The following DGKB variants were observed in gnomAD, a reference collection of about 807,000 sequenced individuals.
DGKB encodes the protein diacylglycerol kinase beta, also known as 90 kDa diacylglycerol kinase.
In DGKB, 67 loss-of-function variants were observed where a neutral mutation model predicts 114.3. That is an observed-to-expected ratio of 0.59 (90% confidence interval 0.48 to 0.72). DGKB has a LOEUF of 0.72. Among genes scored for constraint, DGKB ranks in the 30% least tolerant of loss-of-function variants. The pLI is 0.00. For synonymous variants in DGKB, 398 were observed against 323.1 expected (o/e 1.23, Z -2.49); for missense variants, 907 against 975.2 (o/e 0.93, Z 0.93).
chr7:14,299,638 T>G (rs1803163996), intron 23 of DGKB, among the ~76,000 whole-genome samples: 1 of 152,098 alleles, frequency 6.6e-6, no homozygotes. Flanking sequence ...TAACATTTTC[T>G]TAATAAAAAA....
chr7:14,686,978 T>C (rs1821811479), intron 9 of DGKB, among the ~76,000 whole-genome samples: 1 of 152,166 alleles, frequency 6.6e-6, no homozygotes, highest in Non-Finnish European at 1.5e-5. Context: ...ATACTTACAG[T>C]ATAATAAAAA....
chr7:14,414,012 T>C (rs976733819), intron 21 of DGKB, among the ~76,000 whole-genome samples: 1 of 152,148 alleles, frequency 6.6e-6, no homozygotes, highest in Non-Finnish European at 1.5e-5. Context: ...TTTATGCGGT[T>C]TTAACAAATT....
intron 23 of DGKB, among the ~76,000 whole-genome samples, chr7:14,190,052 TAACAGACATTTACAG>T (rs1784076802): frequency 6.6e-6 from 1 of 152,158 alleles, no homozygotes; most frequent in Non-Finnish European, 1.5e-5. Flanking sequence ...CAAATGGACC[TAACAGACATTTACAG>T]AACATTTCAT....
intron 1 of DGKB, among the ~76,000 whole-genome samples, chr7:14,967,900 G>A (rs552247418): frequency 1.6e-4 from 24 of 151,458 alleles, no homozygotes; most frequent in Non-Finnish European, 3.5e-4. Flanking sequence ...AGAGAGAGAG[G>A]GAAAGCAACC....
At chr7:14,489,599 G>T (rs1463902593) in intron 20 of DGKB, among the ~76,000 whole-genome samples, 1 of 152,138 alleles carries the variant, frequency 6.6e-6, no homozygotes, top group Non-Finnish European at 1.5e-5. Context: ...ATACCCAAGG[G>T]TTTGAAATGT....
At chr7:14,877,416 G>A (rs1853470630) in intron 1 of DGKB, among the ~76,000 whole-genome samples, 1 of 152,104 alleles carries the variant, frequency 6.6e-6, no homozygotes, top group African/African-American at 2.4e-5. Flanking sequence ...TTAGCCAAGT[G>A]TTGTGGCACA....
intron 23 of DGKB, among the ~76,000 whole-genome samples, chr7:14,197,915 C>T (rs1785256879): frequency 6.6e-6 from 1 of 152,018 alleles, no homozygotes; most frequent in Admixed American, 6.6e-5. Flanking sequence ...TGACACAGTC[C>T]TCCTAAGTAA....
At chr7:14,883,263 C>A (rs538826155) in intron 1 of DGKB, among the ~76,000 whole-genome samples, 1 of 151,828 alleles carries the variant, frequency 6.6e-6, no homozygotes, top group East Asian at 1.9e-4. Context: ...ACAATATATA[C>A]CTATATATTT....
chr7:14,890,608 G>A (rs1781049952), intron 1 of DGKB, among the ~76,000 whole-genome samples: 1 of 151,264 alleles, frequency 6.6e-6, no homozygotes, highest in African/African-American at 2.4e-5. Context: ...ATGTGTCTGA[G>A]AAAAACATCT....
At chr7:14,877,851 G>T (rs1370973379) in intron 1 of DGKB, among the ~76,000 whole-genome samples, 1 of 152,032 alleles carries the variant, frequency 6.6e-6, no homozygotes, top group Admixed American at 6.5e-5. Context: ...CTTGCTATTA[G>T]GAAAAATCGT....
In DGKB at chr7:14,492,726, A is replaced by G. The variant is rs191847540; in HGVS notation, c.1771-14501T>C. ...AATTTAACAAACACCTCTAAAAATA[A>G]AAGACATGGTTCACCTCAAAAATAA... On this transcript the variant is annotated intron_variant, in intron 20 of 25. Transcript: ENST00000402815. 4.1e-3 allele frequency among the ~76,000 whole-genome samples: 631 copies of G among 152,226 alleles called. 2 individuals carry two copies. The highest frequency in any genetic ancestry group is 7.1e-3 in the Admixed American group (108 of 15,252).
chr7:14,189,087 T>A (rs1189774547), intron 23 of DGKB, among the ~76,000 whole-genome samples: 2 of 152,164 alleles, frequency 1.3e-5, no homozygotes, highest in Non-Finnish European at 2.9e-5. Context: ...GGAAAACAAG[T>A]GAAAGTATAA....
At chr7:14,296,322 G>A (rs1048349774) in intron 23 of DGKB, among the ~76,000 whole-genome samples, 2 of 152,052 alleles carry the variant, frequency 1.3e-5, no homozygotes, top group African/African-American at 2.4e-5. Flanking sequence ...GAGCCACCAT[G>A]CCCAGCCAAA....
intron 20 of DGKB, among the ~76,000 whole-genome samples, chr7:14,527,820 T>C (rs938935154): frequency 1.3e-5 from 2 of 152,110 alleles, no homozygotes. Context: ...CAGCAACTTT[T>C]ATTTAACTCC....
In DGKB at chr7:14,146,684, A is replaced by ACAT. The variant is rs1348770369; in HGVS notation, c.*2444_*2446dup. 3 of 152,152 alleles carry ACAT rather than the reference A, an allele frequency of 2.0e-5. No homozygotes were observed. The highest frequency in any genetic ancestry group is 4.4e-5 in the Non-Finnish European group (3 of 68,018). The allele number at this position is 152,152 out of a possible 1,614,324, so 9.4% of individuals were successfully genotyped here. ...GGGCAGTATACTTGAAGGGGCAAGTACATCAGTGTATTTAGAAAATGAGTT... is the reference window on the plus strand; with the variant it reads ...GGGCAGTATACTTGAAGGGGCAAGTACATCATCAGTGTATTTAGAAAATGAGTT... On this transcript the variant is annotated 3_prime_UTR_variant, in exon 26 of 26. Coordinates refer to ENST00000402815, the MANE Select transcript of DGKB (RefSeq NM_001350709.2).
At chr7:14,474,183 T>C (rs960268621) in intron 21 of DGKB, among the ~76,000 whole-genome samples, 1 of 152,148 alleles carries the variant, frequency 6.6e-6, no homozygotes, top group Non-Finnish European at 1.5e-5. Flanking sequence ...TGGGTGGTAA[T>C]TGGATCATGG....
intron 21 of DGKB, among the ~76,000 whole-genome samples, chr7:14,391,363 C>T (rs75568430): frequency 0.012 from 1,811 of 151,940 alleles, 34 homozygotes; most frequent in African/African-American, 0.042. Flanking sequence ...GATGTTCTTC[C>T]CAGGAGGAGA....
At chr7:14,841,731 A>C (rs1450027253) in intron 1 of DGKB, among the ~76,000 whole-genome samples, 1 of 152,208 alleles carries the variant, frequency 6.6e-6, no homozygotes, top group Non-Finnish European at 1.5e-5. Flanking sequence ...AAATTATCCA[A>C]GGAGGCTAAA....
At chr7:14,948,244 T>G (rs1428444171) in intron 1 of DGKB, among the ~76,000 whole-genome samples, 1 of 151,822 alleles carries the variant, frequency 6.6e-6, no homozygotes, top group Non-Finnish European at 1.5e-5. Flanking sequence ...TTATTTATTA[T>G]AAAAATGTTT....
Sources: allele counts gnomAD v4.1 joint callset (sites outside exome capture counted in the v4.1 genomes callset), GRCh38; gene constraint gnomAD v4.1.1; transcripts MANE v1.5; gene names NCBI Gene and HGNC (gene_info 2026-07-23, HGNC 2026-07-21).